Variants in SPRR2G observed in about 807,000 individuals in gnomAD.
SPRR2G encodes small proline rich protein 2G, also known as small proline-rich protein 2G.
Under a neutral mutation model 0.7 loss-of-function variants are expected in SPRR2G, and 1 was observed. The ratio of observed to expected loss-of-function variants is 1.49; its 90% CI spans 0.53 to 7.06. SPRR2G has a LOEUF of 7.06. Ranked by LOEUF, SPRR2G falls within the 30% of genes most tolerant of loss-of-function variation. The pLI, the probability that SPRR2G is intolerant of heterozygous loss-of-function variation, is 0.14. For synonymous variants in SPRR2G, 38 were observed against 33.9 expected (o/e 1.12, Z -0.42); for missense variants, 96 against 88.5 (o/e 1.09, Z -0.34).
the SPRR2G span, among the ~76,000 whole-genome samples, chr1:153,191,897 C>T: frequency 2.0e-5 from 3 of 152,150 alleles, no homozygotes; most frequent in Non-Finnish European, 4.4e-5. Context: ...AAGTTCTGAC[C>T]TTTAATTCAA....
chr1:153,176,264 TG>T, the SPRR2G span: 1 of 152,188 alleles, frequency 6.6e-6, no homozygotes, highest in Non-Finnish European at 1.5e-5. Context: ...GTTCAGCAGT[TG>T]GAACACGTGG....
At chr1:153,177,941 A>C in the SPRR2G span, among the ~76,000 whole-genome samples, 127 of 151,722 alleles carry the variant, frequency 8.4e-4, no homozygotes, top group Middle Eastern at 6.8e-3. Flanking sequence ...GGACTGATAC[A>C]TTCAAAATAG....
At chr1:153,164,236 G>C in the SPRR2G span, among the ~76,000 whole-genome samples, 3,357 of 152,204 alleles carry the variant, frequency 0.022, 112 homozygotes, top group East Asian at 0.11. Context: ...AGTGCCCTTG[G>C]GCATGGAGAG....
At chr1:153,178,800 T>C in the SPRR2G span, among the ~76,000 whole-genome samples, 35 of 152,292 alleles carry the variant, frequency 2.3e-4, no homozygotes, top group East Asian at 5.6e-3. Context: ...AAAGACTTGG[T>C]GAATATTCCC....
chr1:153,185,033 C>T, the SPRR2G span, among the ~76,000 whole-genome samples: 1 of 152,200 alleles, frequency 6.6e-6, no homozygotes, highest in South Asian at 2.1e-4. Flanking sequence ...GTTGAACTGC[C>T]CTTGCATCCC....
upstream of SPRR2G, among the ~76,000 whole-genome samples, chr1:153,153,165 T>C (rs2101649113): frequency 6.6e-6 from 1 of 152,068 alleles, no homozygotes. Flanking sequence ...GGAATAGGAG[T>C]GGGGGAGAGA....
chr1:153,194,083 C>A, the SPRR2G span, among the ~76,000 whole-genome samples: 2 of 151,984 alleles, frequency 1.3e-5, no homozygotes, highest in African/African-American at 4.8e-5. Flanking sequence ...GAGCTTGTAC[C>A]CAGGCTAGGG....
At chr1:153,181,206 G>T in the SPRR2G span, among the ~76,000 whole-genome samples, 1 of 152,076 alleles carries the variant, frequency 6.6e-6, no homozygotes, top group African/African-American at 2.4e-5. Flanking sequence ...CTATTGACAA[G>T]ATCTGAAGAC....
At chr1:153,182,579 C>G in the SPRR2G span, among the ~76,000 whole-genome samples, 1 of 152,052 alleles carries the variant, frequency 6.6e-6, no homozygotes, top group Non-Finnish European at 1.5e-5. Flanking sequence ...GTGTGATGTT[C>G]CCCTCCCTCT....
At chr1:153,171,363 CA>C in the SPRR2G span, among the ~76,000 whole-genome samples, 2 of 152,162 alleles carry the variant, frequency 1.3e-5, no homozygotes, top group African/African-American at 2.4e-5. Flanking sequence ...TGCATATAAA[CA>C]TTCAAGATTC....
At chr1:153,163,333 C>G in the SPRR2G span, among the ~76,000 whole-genome samples, 1 of 152,234 alleles carries the variant, frequency 6.6e-6, no homozygotes, top group Non-Finnish European at 1.5e-5. Context: ...GTTGTCTACA[C>G]ATTCCAAAAA....
the SPRR2G span, among the ~76,000 whole-genome samples, chr1:153,159,098 T>G: frequency 6.6e-6 from 1 of 152,234 alleles, no homozygotes; most frequent in South Asian, 2.1e-4. Context: ...ATTGTCTTGG[T>G]GATTAACATT....
the SPRR2G span, among the ~76,000 whole-genome samples, chr1:153,167,281 C>A: frequency 4.0e-5 from 6 of 151,732 alleles, no homozygotes; most frequent in African/African-American, 1.5e-4. Flanking sequence ...TCTCAACCAG[C>A]CTGACCAACA....
At chr1:153,198,834 G>T in the SPRR2G span, among the ~76,000 whole-genome samples, 8 of 152,112 alleles carry the variant, frequency 5.3e-5, no homozygotes, top group African/African-American at 1.9e-4. Context: ...ATGCAGAGCT[G>T]GTACTTTCAG....
the SPRR2G span, among the ~76,000 whole-genome samples, chr1:153,166,455 T>C: frequency 6.6e-6 from 1 of 152,102 alleles, no homozygotes; most frequent in South Asian, 2.1e-4. Flanking sequence ...AGCCTTTTTG[T>C]TGTTGTTGTT....
the SPRR2G span, among the ~76,000 whole-genome samples, chr1:153,185,895 G>T: frequency 5.8e-3 from 883 of 152,280 alleles, 3 homozygotes; most frequent in Non-Finnish European, 9.1e-3. Flanking sequence ...CTGTGTCCCA[G>T]AGATTCTGGT....
chr1:153,159,919 G>C, the SPRR2G span, among the ~76,000 whole-genome samples: 1 of 152,198 alleles, frequency 6.6e-6, no homozygotes, highest in Non-Finnish European at 1.5e-5. Flanking sequence ...GGCAATTACA[G>C]TTTGAAATGA....
In SPRR2G at chr1:153,149,657, C is replaced by T; in HGVS notation, c.*232G>A. 1 of 603,646 alleles carries T rather than the reference C, an allele frequency of 1.7e-6. No individual in the cohort carries two copies. The highest frequency in any genetic ancestry group is 1.8e-5 in the African/African-American group (1 of 54,078). 37.4% of individuals were successfully genotyped at this position (603,646 alleles called of 1,614,324 possible). On this transcript the variant is annotated 3_prime_UTR_variant, in exon 2 of 2. Coordinates refer to ENST00000368748, the MANE Select transcript of SPRR2G (RefSeq NM_001014291.4). ...ACACACTTGCTCTCAGGATAGGAAC[C>T]ACCATCTACATCACAGACAGCAAAG...
At chr1:153,183,380 C>G in the SPRR2G span, among the ~76,000 whole-genome samples, 1 of 151,854 alleles carries the variant, frequency 6.6e-6, no homozygotes, top group Non-Finnish European at 1.5e-5. Context: ...AGCCACCGCG[C>G]CTGGCCCCTG....
Sources: allele counts gnomAD v4.1 joint callset (sites outside exome capture counted in the v4.1 genomes callset), GRCh38; gene constraint gnomAD v4.1.1; transcripts MANE v1.5; gene names NCBI Gene and HGNC (gene_info 2026-07-23, HGNC 2026-07-21).